The following MBNL2 variants were observed in gnomAD, a reference collection of about 807,000 sequenced individuals.
MBNL2 encodes the protein muscleblind-like protein 2.
Under a neutral mutation model 41.9 loss-of-function variants are expected in MBNL2, and 17 were observed. The observed-to-expected ratio is 0.41, with a 90% CI of 0.28 to 0.61. MBNL2 has a LOEUF of 0.61. Among genes scored for constraint, MBNL2 ranks in the 20% least tolerant of loss-of-function variants. MBNL2 has a pLI of 0.35. For missense variants in MBNL2, 336 were observed against 505.6 expected, an observed-to-expected ratio of 0.66 and a Z score of 3.22; for synonymous variants, 195 against 182.9, an observed-to-expected ratio of 1.07 and a Z score of -0.53.
At chr13:97,166,841 A>AGAAAGAAAGAAAGAT in the MBNL2 span, among the ~76,000 whole-genome samples, 1 of 114,260 alleles carries the variant, frequency 8.8e-6, no homozygotes, top group Non-Finnish European at 1.8e-5. Context: ...GATAGATAGA[A>AGAAAGAAAGAAAGAT]AGATAGATAG....
At chr13:97,231,396 T>C (rs1397867356) in intron 1 of MBNL2, among the ~76,000 whole-genome samples, 1 of 152,176 alleles carries the variant, frequency 6.6e-6, no homozygotes, top group Non-Finnish European at 1.5e-5. Context: ...TCCAGGAGGC[T>C]CCAGAATACA....
chr13:97,161,434 C>G, the MBNL2 span, among the ~76,000 whole-genome samples: 1 of 152,074 alleles, frequency 6.6e-6, no homozygotes, highest in Admixed American at 6.6e-5. Context: ...TCTGAAACTC[C>G]CAGAACATGT....
At chr13:97,235,175 G>C (rs898989794) in intron 1 of MBNL2, among the ~76,000 whole-genome samples, 1 of 152,096 alleles carries the variant, frequency 6.6e-6, no homozygotes, top group Non-Finnish European at 1.5e-5. Flanking sequence ...GATATTTAAC[G>C]TAGAGATCCC....
chr13:97,329,452 G>A lies in MBNL2; in HGVS notation c.175-4824G>A, dbSNP rs867245426. On this transcript the variant is annotated intron_variant, in intron 2 of 8. Transcript: ENST00000679496. The stretch of plus-strand genomic sequence containing the variant: ...GCAGGAACTTCATACCCCTTGGCTC[G>A]TCTCCCATTGTGTGGCTTCTTCCTG... 3.3e-5 allele frequency among the ~76,000 whole-genome samples: 5 copies of A among 151,908 alleles called. No homozygotes were observed. In the South Asian group the frequency reaches 6.2e-4, roughly 19 times the overall value.
chr13:97,178,785 G>A, the MBNL2 span, among the ~76,000 whole-genome samples: 7 of 151,996 alleles, frequency 4.6e-5, no homozygotes, highest in East Asian at 1.2e-3. Context: ...TAGTCCCAGC[G>A]ACTGGGGAGG....
the MBNL2 span, among the ~76,000 whole-genome samples, chr13:97,188,471 C>G: frequency 6.6e-6 from 1 of 152,116 alleles, no homozygotes; most frequent in Non-Finnish European, 1.5e-5. Flanking sequence ...ATCATAGAAA[C>G]CACACCTGCC....
the MBNL2 span, among the ~76,000 whole-genome samples, chr13:97,187,718 T>C: frequency 6.8e-6 from 1 of 148,116 alleles, no homozygotes; most frequent in Admixed American, 6.8e-5. Context: ...CCATCCTGGC[T>C]AACACACTGA....
intron 1 of MBNL2, among the ~76,000 whole-genome samples, chr13:97,251,878 C>T (rs1443322886): frequency 2.3e-5 from 3 of 131,336 alleles, no homozygotes; most frequent in Non-Finnish European, 4.7e-5. Context: ...GAGTCTCGCT[C>T]CGTCGCCCAG....
At chr13:97,175,048 A>G in the MBNL2 span, among the ~76,000 whole-genome samples, 1 of 152,212 alleles carries the variant, frequency 6.6e-6, no homozygotes, top group Admixed American at 6.5e-5. Flanking sequence ...TGCAGAGAGC[A>G]TAGGAGCATT....
the MBNL2 span, among the ~76,000 whole-genome samples, chr13:97,159,364 T>G: frequency 6.6e-6 from 1 of 151,794 alleles, no homozygotes; most frequent in Admixed American, 6.6e-5. Flanking sequence ...TGCCAGTCTG[T>G]GTCTTTTAAT....
chr13:97,325,995 T>C (rs1393708718), intron 2 of MBNL2, among the ~76,000 whole-genome samples: 2 of 152,164 alleles, frequency 1.3e-5, no homozygotes, highest in Admixed American at 6.5e-5. Flanking sequence ...CCTCAGGTGA[T>C]AGCAAGCTAT....
intron 2 of MBNL2, among the ~76,000 whole-genome samples, chr13:97,318,728 A>G: frequency 6.6e-6 from 1 of 152,216 alleles, no homozygotes; most frequent in African/African-American, 2.4e-5. Flanking sequence ...TTGCTGAGGG[A>G]AAAGACTTCT....
chr13:97,179,020 A>G, the MBNL2 span, among the ~76,000 whole-genome samples: 14,216 of 152,282 alleles, frequency 0.093, 713 homozygotes, highest in South Asian at 0.16. Context: ...AACCACTTGA[A>G]TCACTTTGGT....
chr13:97,177,465 CAATAACTCTGT>C, the MBNL2 span, among the ~76,000 whole-genome samples: 1 of 152,114 alleles, frequency 6.6e-6, no homozygotes, highest in African/African-American at 2.4e-5. Context: ...TAACACAAAT[CAATAACTCTGT>C]AGGAGTTTCA....
At chr13:97,232,762 G>A (rs2042555692) in intron 1 of MBNL2, among the ~76,000 whole-genome samples, 1 of 151,918 alleles carries the variant, frequency 6.6e-6, no homozygotes, top group African/African-American at 2.4e-5. Context: ...TCCTCACAAA[G>A]GGACTTGGTA....
chr13:97,186,485 G>A, the MBNL2 span, among the ~76,000 whole-genome samples: 1 of 152,194 alleles, frequency 6.6e-6, no homozygotes, highest in Non-Finnish European at 1.5e-5. Flanking sequence ...CCTGGTTAGA[G>A]TAGACCTTGG....
chr13:97,148,053 C>T, the MBNL2 span, among the ~76,000 whole-genome samples: 189 of 152,196 alleles, frequency 1.2e-3, 1 homozygote, highest in African/African-American at 4.1e-3. Context: ...GAAGAGGAGT[C>T]GGCATGGTTA....
chr13:97,295,284 G>A (rs541839779), intron 2 of MBNL2, among the ~76,000 whole-genome samples: 6 of 152,086 alleles, frequency 3.9e-5, no homozygotes, highest in African/African-American at 1.4e-4. Flanking sequence ...TGCTCAAATA[G>A]GTGCACACCT....
chr13:97,320,288 C>T lies in MBNL2; in HGVS notation c.175-13988C>T, dbSNP rs1198450187. ...TTTTTTTTTTTTTTTGAGACAGTCT[C>T]TCACTCTGTCACCCAGGCTGCAGTG... is the stretch of plus-strand genomic sequence containing the variant. On this transcript the variant is annotated intron_variant, in intron 2 of 8. Coordinates refer to ENST00000679496, the MANE Select transcript of MBNL2 (RefSeq NM_001382683.1). Among the ~76,000 whole-genome samples the T allele has an allele frequency of 2.0e-5, 3 of 146,492 alleles. No homozygotes were observed. In the Admixed American group the frequency reaches 2.1e-4, roughly 10 times the overall value.
Sources: gnomAD v4.1 joint callset for allele counts (sites outside exome capture counted in the v4.1 genomes callset) on GRCh38, gnomAD v4.1.1 for gene constraint, MANE v1.5 for transcripts, NCBI Gene and HGNC (gene_info 2026-07-23, HGNC 2026-07-21) for gene names.